Variants in C8A observed in about 807,000 individuals in gnomAD.
C8A encodes the protein complement component C8 alpha chain.
A neutral mutation model predicts 65.3 loss-of-function variants in C8A; 67 were observed. That is an observed-to-expected ratio of 1.03 (90% CI 0.84 to 1.26). C8A has a LOEUF of 1.26. Ranked by LOEUF, C8A falls within the 50% of genes most tolerant of loss-of-function variation. C8A has a pLI of 0.00. For missense variants in C8A, 781 were observed against 723.9 expected, an observed-to-expected ratio of 1.08 and a Z score of -0.90; for synonymous variants, 290 against 259.4, an observed-to-expected ratio of 1.12 and a Z score of -1.13.
intron 6 of C8A, among the ~76,000 whole-genome samples, chr1:56,884,958 T>C (rs1028224811): frequency 9.2e-5 from 14 of 152,158 alleles, no homozygotes; most frequent in Non-Finnish European, 1.3e-4. Context: ...ACTAAAGATA[T>C]CTTAAACACA....
intron 2 of C8A, among the ~76,000 whole-genome samples, chr1:56,870,352 C>T (rs1644131850): frequency 2.0e-5 from 3 of 152,020 alleles, no homozygotes; most frequent in Admixed American, 2.0e-4. Context: ...CTAATATTTG[C>T]CTCTTCCAGC....
At chr1:56,873,109 A>T (rs985170780) in intron 2 of C8A, among the ~76,000 whole-genome samples, 2 of 152,140 alleles carry the variant, frequency 1.3e-5, no homozygotes, top group African/African-American at 4.8e-5. Flanking sequence ...GACAGGTTTG[A>T]TCTTCACCTC....
At chr1:56,865,068 T>A (rs150599032) in intron 1 of C8A, among the ~76,000 whole-genome samples, 1 of 152,188 alleles carries the variant, frequency 6.6e-6, no homozygotes, top group Non-Finnish European at 1.5e-5. Flanking sequence ...ACAGTAAGAA[T>A]TGTTAATTTA....
intron 7 of C8A, among the ~76,000 whole-genome samples, chr1:56,895,489 T>C (rs1644381226): frequency 6.6e-6 from 1 of 152,258 alleles, no homozygotes; most frequent in South Asian, 2.1e-4. Flanking sequence ...TGCTATAATG[T>C]CTCAAGGATG....
chr1:56,861,360 T>C (rs1175360101), intron 1 of C8A, among the ~76,000 whole-genome samples: 1 of 152,108 alleles, frequency 6.6e-6, no homozygotes, highest in Non-Finnish European at 1.5e-5. Flanking sequence ...AAAAAGGAAG[T>C]GGGCACATTC....
chr1:56,887,903 G>A (rs936455590), intron 7 of C8A, among the ~76,000 whole-genome samples: 1 of 152,078 alleles, frequency 6.6e-6, no homozygotes, highest in Non-Finnish European at 1.5e-5. Flanking sequence ...AAACACCACA[G>A]GTTCTCACTC....
intron 1 of C8A, 61 bp from the exon 2 acceptor site, chr1:56,867,548 C>T (rs1644102475): frequency 3.3e-6 from 4 of 1,205,360 alleles, no homozygotes; most frequent in East Asian, 4.7e-5. Context: ...ATGTGCACAG[C>T]TTTCTCATTT....
intron 1 of C8A, among the ~76,000 whole-genome samples, chr1:56,859,749 A>G (rs1410628202): frequency 2.9e-5 from 3 of 102,330 alleles, no homozygotes; most frequent in African/African-American, 4.5e-5. Flanking sequence ...GAGTTAGTCA[A>G]TAAATATATA....
chr1:56,886,338 G>A (rs1052901847), intron 7 of C8A, among the ~76,000 whole-genome samples, 171 bp downstream of exon 7: 1 of 152,196 alleles, frequency 6.6e-6, no homozygotes, highest in Non-Finnish European at 1.5e-5. Context: ...ATCCAGAAGA[G>A]TGAGACTTGC....
At position 56,891,371 on chromosome 1, in the gene C8A, AGGGTCTTACT is replaced by A. The variant is rs574802702; in HGVS notation, c.1096+5207_1096+5216del. On this transcript the variant is annotated intron_variant, in intron 7 of 10. Coordinates refer to ENST00000361249, the MANE Select transcript of C8A (RefSeq NM_000562.3). ...GTTGGAAGAAGCCAAGAGGTGTCAGAGGGTCTTACTGGCCGTAGTAAGAAGTATGGACTGT... is the reference window on the plus strand; with the variant it reads ...GTTGGAAGAAGCCAAGAGGTGTCAGAGGCCGTAGTAAGAAGTATGGACTGT... 1.5e-3 allele frequency among the ~76,000 whole-genome samples: 231 copies of A among 152,248 alleles called. 1 individual carries two copies. The highest frequency in any genetic ancestry group is 4.8e-3 in the South Asian group (23 of 4,822).
At position 56,881,589 on chromosome 1, in the gene C8A, G is replaced by T. The variant is rs755886616; in HGVS notation, c.609G>T (p.Glu203Asp). The T allele has an allele frequency of 6.8e-6, 11 of 1,613,740 alleles. No homozygotes were observed. The highest frequency in any genetic ancestry group is 1.3e-5 in the African/African-American group (1 of 75,022). Residue 203 changes from glutamate to aspartate, a missense_variant, in exon 5 of 11, where the codon GAG (glutamate) becomes GAT (aspartate). Physicochemically the swap from Glu to Asp is conservative, Grantham distance 45 (BLOSUM62 2). Transcript: ENST00000361249. ...AACGTCTCTACTATGGAGATGATGA[G>T]AAATACTTTCGGAAACCCTACAACT... ...TCERLYYGDD[E>D]KYFRKPYNFL...
intron 8 of C8A, among the ~76,000 whole-genome samples, chr1:56,907,099 C>G (rs1238949102): frequency 6.6e-6 from 1 of 152,074 alleles, no homozygotes; most frequent in Non-Finnish European, 1.5e-5. Flanking sequence ...TGAATGAAGA[C>G]CCATCATATT....
chr1:56,905,311 G>T (rs1303547805), intron 7 of C8A, among the ~76,000 whole-genome samples: 1 of 152,126 alleles, frequency 6.6e-6, no homozygotes, highest in Non-Finnish European at 1.5e-5. Context: ...GGGAAATGGA[G>T]GCCCAGTGGG....
intron 1 of C8A, among the ~76,000 whole-genome samples, chr1:56,864,432 G>A (rs1644064508): frequency 6.6e-6 from 1 of 152,106 alleles, no homozygotes; most frequent in Admixed American, 6.6e-5. Context: ...TTGAGATAAT[G>A]GAGATCCCAA....
At position 56,881,499 on chromosome 1, in the gene C8A, TG is replaced by T; in HGVS notation, c.524del (p.Gly175AlafsTer39). On this transcript the variant is annotated frameshift_variant, in exon 5 of 11. Coordinates refer to ENST00000361249, the MANE Select transcript of C8A (RefSeq NM_000562.3). LOFTEE classifies it high-confidence loss of function. ...AGAGTGTGTACGATGCCAGTTATTA[TG>T]GGGGCCAGTGTGAGACGGTATACAA... ...AQSVYDASYY[G>X]GQCETVYNGE... is the part of the protein sequence containing the mutation. 6.2e-7 allele frequency: 1 copy of T among 1,613,798 alleles called. No individual in the cohort carries two copies. Among genetic ancestry groups the T allele is most frequent in the Non-Finnish European group, 8.5e-7 (1 of 1,179,774 alleles).
chr1:56,874,569 T>C (rs1335068494), intron 2 of C8A, among the ~76,000 whole-genome samples: 1 of 152,174 alleles, frequency 6.6e-6, no homozygotes, highest in Admixed American at 6.6e-5. Flanking sequence ...GGATGCTCAA[T>C]TGCAACTTCA....
chr1:56,883,634 T>A lies in C8A; in HGVS notation c.808T>A (p.Ser270Thr). Residue 270 changes from serine to threonine, a missense_variant, in exon 6 of 11, where the codon TCA becomes ACA. Physicochemically the swap from Ser to Thr is moderately conservative, Grantham distance 58. Coordinates refer to ENST00000361249, the MANE Select transcript of C8A (RefSeq NM_000562.3). The stretch of plus-strand genomic sequence containing the variant: ...ATTGGTGGGTGTAGGTGTATCCCAC[T>A]CACAAGACACTTCATTCTTGAACGA... ...PLLVGVGVSH[S>T]QDTSFLNELN... 6.2e-7 allele frequency: 1 copy of A among 1,613,906 alleles called. No individual in the cohort carries two copies. Among genetic ancestry groups the A allele is most frequent in the Non-Finnish European group, 8.5e-7 (1 of 1,179,902 alleles).
intron 9 of C8A, 148 bp from the exon 10 acceptor site, chr1:56,912,255 T>G (rs1570354984): frequency 4.5e-6 from 3 of 673,800 alleles, no homozygotes; most frequent in East Asian, 2.7e-5. Context: ...AGAATGGCTG[T>G]GAGGATCCAA....
intron 10 of C8A, among the ~76,000 whole-genome samples, chr1:56,913,617 T>A (rs921827229): frequency 7.9e-5 from 12 of 152,200 alleles, no homozygotes; most frequent in East Asian, 1.9e-4. Flanking sequence ...AGAGTATGCA[T>A]GTTCCAATTC....
Sources: gnomAD v4.1 joint callset for allele counts (sites outside exome capture counted in the v4.1 genomes callset) on GRCh38, gnomAD v4.1.1 for gene constraint, MANE v1.5 for transcripts, NCBI Gene and HGNC (gene_info 2026-07-23, HGNC 2026-07-21) for gene names.